The following PCDHA3 variants were observed in gnomAD, a reference collection of about 807,000 sequenced individuals.
PCDHA3 encodes protocadherin alpha-3.
PCDHA3 carries 41 observed loss-of-function variants against 62.2 expected under a neutral mutation model. That is an observed-to-expected ratio of 0.66 (90% CI 0.51 to 0.86). PCDHA3 has a LOEUF of 0.86. Among genes scored for constraint, PCDHA3 ranks in the 40% least tolerant of loss-of-function variants. The pLI is 0.00. For missense variants in PCDHA3, 1,304 were observed against 1,241.2 expected (o/e 1.05, Z -0.76); for synonymous variants, 640 against 555.4 (o/e 1.15, Z -2.14).
chr5:140,919,601 A>G (rs1465882979), intron 1 of PCDHA3, among the ~76,000 whole-genome samples: 1 of 152,178 alleles, frequency 6.6e-6, no homozygotes, highest in Non-Finnish European at 1.5e-5. Context: ...TTTAAAATAA[A>G]TTTTAAACTG....
chr5:140,876,827 C>G, intron 1 of PCDHA3: 1 of 1,614,182 alleles, frequency 6.2e-7, no homozygotes, highest in Non-Finnish European at 8.5e-7. Flanking sequence ...AACGACAATG[C>G]GCCTGCGTTC....
chr5:140,821,986 G>C (rs2150112633), intron 1 of PCDHA3: 11 of 1,614,150 alleles, frequency 6.8e-6, no homozygotes, highest in South Asian at 3.3e-5. Context: ...CAAGGGCCGC[G>C]GGGACCTTCT....
At chr5:140,967,001 A>G (rs1048933252) in intron 1 of PCDHA3, 5 of 1,605,060 alleles carry the variant, frequency 3.1e-6, no homozygotes, top group East Asian at 2.2e-5. Flanking sequence ...TTGCTTGCGC[A>G]TCAACCATCT....
In PCDHA3 at chr5:140,828,897, G is replaced by A. The variant is rs2150160377; in HGVS notation, c.2394+25306G>A. 12 of 1,613,934 alleles carry A rather than the reference G, an allele frequency of 7.4e-6. No individual in the cohort carries two copies. The Admixed American group carries it at 2.0e-4, about 27-fold the overall frequency. ...GTTATCAGACTGAATGCTTCTGATC[G>A]GGATGAAGGAGCGAATGGGGCAATT... On this transcript the variant is annotated intron_variant, in intron 1 of 3. Coordinates refer to ENST00000522353, the MANE Select transcript of PCDHA3 (RefSeq NM_018906.3).
At chr5:140,856,434 C>A in intron 1 of PCDHA3, 2 of 1,598,320 alleles carry the variant, frequency 1.3e-6, no homozygotes, top group Non-Finnish European at 1.7e-6. Flanking sequence ...AACGACAACC[C>A]GCCCAGGTTC....
At chr5:140,997,840 A>G (rs2097788062) in intron 3 of PCDHA3, among the ~76,000 whole-genome samples, 2 of 152,216 alleles carry the variant, frequency 1.3e-5, no homozygotes, top group Non-Finnish European at 2.9e-5. Flanking sequence ...AATACAATAT[A>G]CATTCTTATA....
intron 1 of PCDHA3, chr5:140,842,566 C>T (rs2150339391): frequency 1.0e-5 from 15 of 1,503,446 alleles, no homozygotes; most frequent in Non-Finnish European, 1.4e-5. Flanking sequence ...CCCTGGACCG[C>T]GAGAGAGTGT....
rs2150120383 is a variant in PCDHA3, at chr5:140,822,919, G to C, written c.2394+19328G>C. ...GTCTGACCGTGACTCAGGTGCCAACGGGCAGGTGACCTGCTCCCTAATGCC... is the reference window on the plus strand; with the variant it reads ...GTCTGACCGTGACTCAGGTGCCAACCGGCAGGTGACCTGCTCCCTAATGCC... On this transcript the variant is annotated intron_variant, in intron 1 of 3. Transcript: ENST00000522353. 6 of 1,614,230 alleles carry C rather than the reference G, an allele frequency of 3.7e-6. No homozygotes were observed. In the South Asian group the frequency reaches 4.4e-5, roughly 12 times the overall value.
intron 3 of PCDHA3, among the ~76,000 whole-genome samples, chr5:141,009,358 C>G (rs993815936): frequency 8.5e-5 from 13 of 152,116 alleles, no homozygotes; most frequent in Admixed American, 6.6e-5. Flanking sequence ...ACTTGGGAGG[C>G]TAAGATGGGA....
chr5:140,926,756 G>T, intron 1 of PCDHA3: 1 of 1,289,704 alleles, frequency 7.8e-7, no homozygotes, highest in South Asian at 2.2e-5. Context: ...GGCGGTCGCT[G>T]AGTATCCAGC....
chr5:140,917,778 G>A (rs1271229686), intron 1 of PCDHA3, among the ~76,000 whole-genome samples: 4 of 152,218 alleles, frequency 2.6e-5, no homozygotes, highest in African/African-American at 9.6e-5. Flanking sequence ...TTAGTACCAT[G>A]TTGTTTTGGT....
intron 1 of PCDHA3, chr5:140,843,145 GT>G: frequency 6.3e-7 from 1 of 1,596,072 alleles, no homozygotes; most frequent in Non-Finnish European, 8.6e-7. Context: ...CGTGGCTTTC[GT>G]ATGAGCTGCA....
At chr5:140,867,441 G>C (rs1188505395) in intron 1 of PCDHA3, 1 of 152,032 alleles carries the variant, frequency 6.6e-6, no homozygotes, top group Non-Finnish European at 1.5e-5. Flanking sequence ...GCATTTACCT[G>C]AATTAGAGTT....
chr5:140,824,704 C>G (rs1241978054), intron 1 of PCDHA3: 1 of 144,904 alleles, frequency 6.9e-6, no homozygotes, highest in Non-Finnish European at 1.5e-5. Context: ...AAGCCATGCT[C>G]CCGTCTCAGC....
chr5:140,822,419 A>C, intron 1 of PCDHA3: 21 of 1,614,096 alleles, frequency 1.3e-5, no homozygotes, highest in Non-Finnish European at 1.8e-5. Flanking sequence ...ATTGCAACTG[A>C]TGGAGGAAAA....
At chr5:140,851,197 G>A (rs1581255686) in intron 1 of PCDHA3, 1 of 1,202,520 alleles carries the variant, frequency 8.3e-7, no homozygotes. Flanking sequence ...TTAGTTGTTA[G>A]TCATTCATTA....
At chr5:140,836,777 C>T (rs2150269784) in intron 1 of PCDHA3, 2 of 1,480,486 alleles carry the variant, frequency 1.4e-6, no homozygotes, top group Non-Finnish European at 1.8e-6. Context: ...AATTTTAAAA[C>T]AATTAGTTCA....
intron 1 of PCDHA3, among the ~76,000 whole-genome samples, chr5:140,905,490 T>C (rs1256863992): frequency 1.3e-5 from 2 of 152,224 alleles, no homozygotes; most frequent in African/African-American, 4.8e-5. Context: ...TTTCTTCTTT[T>C]TGTTTTGTAT....
At chr5:140,833,928 T>C (rs954480952) in intron 1 of PCDHA3, among the ~76,000 whole-genome samples, 1 of 152,174 alleles carries the variant, frequency 6.6e-6, no homozygotes, top group Admixed American at 6.6e-5. Context: ...TAAATTCATG[T>C]TGTCACTTAG....
Sources: allele counts gnomAD v4.1 joint callset (sites outside exome capture counted in the v4.1 genomes callset), GRCh38; gene constraint gnomAD v4.1.1; transcripts MANE v1.5; gene names NCBI Gene and HGNC (gene_info 2026-07-23, HGNC 2026-07-21).